The following PUDP variants were observed in gnomAD, a reference collection of about 807,000 sequenced individuals.
The protein encoded by PUDP is pseudouridine 5'-phosphatase.
PUDP carries 8 observed loss-of-function variants against 9.4 expected under a neutral mutation model. The ratio of observed to expected loss-of-function variants is 0.85; its 90% CI spans 0.50 to 1.53. PUDP has a LOEUF of 1.53. Among genes scored for constraint, PUDP ranks in the 40% most tolerant of loss-of-function variants. The pLI, the probability that PUDP is intolerant of heterozygous loss-of-function variation, is 0.00. For missense variants in PUDP, 188 were observed against 189.7 expected (o/e 0.99, Z 0.05); for synonymous variants, 99 against 80.7 (o/e 1.23, Z -1.22).
At chrX:7,001,202 C>T (rs1929320828) in intron 1 of PUDP, among the ~76,000 whole-genome samples, 1 of 109,340 alleles carries the variant, frequency 9.1e-6, no homozygotes, top group Admixed American at 9.8e-5. Flanking sequence ...TTCATGAAAG[C>T]CACAAAATAT....
chrX:7,002,924 A>G (rs1182900352), intron 1 of PUDP, among the ~76,000 whole-genome samples: 1 of 110,372 alleles, frequency 9.1e-6, no homozygotes, highest in African/African-American at 3.3e-5. Context: ...AAGCACCGAG[A>G]AAAAGGAGGC....
intron 3 of PUDP, among the ~76,000 whole-genome samples, chrX:6,904,156 T>C (rs1271798260): frequency 2.7e-5 from 3 of 109,831 alleles, no homozygotes; most frequent in Non-Finnish European, 5.7e-5. Context: ...TTTGCCATGT[T>C]GACCAGGCTA....
At chrX:7,064,802 A>G (rs1930502124) in intron 3 of PUDP, among the ~76,000 whole-genome samples, 1 of 112,042 alleles carries the variant, frequency 8.9e-6, no homozygotes, top group Non-Finnish European at 1.9e-5. Flanking sequence ...TTTTCTACAG[A>G]AAACGTATTT....
chrX:6,960,680 G>A (rs1394819384), intron 3 of PUDP, among the ~76,000 whole-genome samples: 1 of 112,220 alleles, frequency 8.9e-6, no homozygotes, highest in Admixed American at 9.5e-5. Context: ...AGAGGACATT[G>A]AATGTAGGGA....
Position 7,011,512 on chromosome X carries a change from T to C in PUDP, c.205-33169A>G, listed in dbSNP as rs1215369288. Among the ~76,000 whole-genome samples the C allele has an allele frequency of 3.6e-5, 4 of 110,263 alleles. No homozygotes were observed. The East Asian group carries it at 1.2e-3, about 32-fold the overall frequency. On this transcript the variant is annotated intron_variant and NMD_transcript_variant, in intron 1 of 3. Coordinates refer to the PUDP transcript ENST00000655425. ...CTCCCTCTCTCCCTCCCTCCTTCCT[T>C]CCCTCATGAAAGCATAGCTCCTTTG...
intron 3 of PUDP, among the ~76,000 whole-genome samples, chrX:6,910,517 C>T (rs1202692210): frequency 9.0e-6 from 1 of 111,587 alleles, no homozygotes; most frequent in African/African-American, 3.3e-5. Context: ...AGAACACAGA[C>T]CCATCCTGCA....
downstream of PUDP, among the ~76,000 whole-genome samples, chrX:7,045,058 C>T (rs1027430928): frequency 8.9e-6 from 1 of 112,286 alleles, no homozygotes; most frequent in Non-Finnish European, 1.9e-5. Context: ...ACTGTAATCC[C>T]CACATGGGAT....
Position 6,995,924 on chromosome X carries a change from A to C in PUDP, c.205-17581T>G, listed in dbSNP as rs140073101. 5.1e-3 allele frequency among the ~76,000 whole-genome samples: 543 copies of C among 106,905 alleles called. 5 individuals are homozygous for C. The highest frequency in any genetic ancestry group is 0.017 in the African/African-American group (511 of 29,342). 92.8% of individuals were successfully genotyped at this position (106,905 alleles called of 115,157 possible). A position where few individuals can be genotyped will look rare whatever the true frequency, so the allele number is the denominator to read the frequency against. ...CAGGGCCAGAGAGTTAACAGTTCTTATTGGTTCTTTCTAGCTACCACTGTC... is the reference window on the plus strand; with the variant it reads ...CAGGGCCAGAGAGTTAACAGTTCTTCTTGGTTCTTTCTAGCTACCACTGTC... On this transcript the variant is annotated intron_variant and NMD_transcript_variant, in intron 1 of 3. Transcript: ENST00000655425.
intron 3 of PUDP, among the ~76,000 whole-genome samples, chrX:6,936,779 C>T (rs1928309352): frequency 1.1e-5 from 1 of 93,263 alleles, no homozygotes; most frequent in African/African-American, 4.0e-5. Flanking sequence ...TAAGCAACTT[C>T]AGCAAAGTCT....
intron 3 of PUDP, among the ~76,000 whole-genome samples, chrX:7,053,940 T>C (rs1183213998): frequency 8.9e-6 from 1 of 112,145 alleles, no homozygotes; most frequent in African/African-American, 3.2e-5. Context: ...CTGGTTCCTC[T>C]GTGTTCAATT....
upstream of PUDP, among the ~76,000 whole-genome samples, chrX:6,723,867 A>G (rs994290243): frequency 3.6e-5 from 4 of 111,857 alleles, no homozygotes; most frequent in African/African-American, 9.7e-5. Flanking sequence ...TTGAAGCTTC[A>G]GTAAATACGG....
At chrX:6,938,739 G>C (rs1394174058) in intron 3 of PUDP, among the ~76,000 whole-genome samples, 1 of 106,194 alleles carries the variant, frequency 9.4e-6, no homozygotes, top group South Asian at 4.1e-4. Flanking sequence ...GCCAATTTAA[G>C]AACCACCTGC....
At chrX:7,104,837 T>C (rs772679579) in intron 2 of PUDP, among the ~76,000 whole-genome samples, 1 of 112,187 alleles carries the variant, frequency 8.9e-6, no homozygotes, top group African/African-American at 3.2e-5. Flanking sequence ...AATAATAACA[T>C]ACATTTCAAA....
chrX:6,946,395 G>A (rs1036219177), intron 3 of PUDP, among the ~76,000 whole-genome samples: 1 of 111,488 alleles, frequency 9.0e-6, no homozygotes, highest in African/African-American at 3.3e-5. Flanking sequence ...CCCCTCCCTC[G>A]AAGTGTCTGT....
chrX:6,757,235 T>TA (rs757163673), intron 3 of PUDP, among the ~76,000 whole-genome samples: 2 of 111,677 alleles, frequency 1.8e-5, no homozygotes, highest in South Asian at 3.8e-4. Flanking sequence ...ACTGAGCAGT[T>TA]AGAGTCTGAG....
chrX:6,929,400 G>GA (rs1928155734), intron 3 of PUDP, among the ~76,000 whole-genome samples: 1 of 112,409 alleles, frequency 8.9e-6, no homozygotes, highest in Admixed American at 9.4e-5. Flanking sequence ...GGGACAACCG[G>GA]AAGCAAGGGC....
chrX:7,013,066 A>G (rs1341058967), intron 1 of PUDP, among the ~76,000 whole-genome samples: 1 of 111,975 alleles, frequency 8.9e-6, no homozygotes, highest in East Asian at 2.8e-4. Flanking sequence ...ATTCCATTAA[A>G]TGCTTAAAGA....
At chrX:6,907,683 G>A (rs747036322) in intron 3 of PUDP, among the ~76,000 whole-genome samples, 2 of 111,394 alleles carry the variant, frequency 1.8e-5, no homozygotes, top group Non-Finnish European at 3.8e-5. Flanking sequence ...CTACTCTGGG[G>A]TTTTTCATTA....
intron 1 of PUDP, among the ~76,000 whole-genome samples, chrX:6,713,226 T>C (rs1227242537): frequency 8.9e-6 from 1 of 111,852 alleles, no homozygotes; most frequent in Non-Finnish European, 1.9e-5. Context: ...TTATTTAACT[T>C]TGTTTTTTTC....
Sources: allele counts gnomAD v4.1 joint callset (sites outside exome capture counted in the v4.1 genomes callset), GRCh38; gene constraint gnomAD v4.1.1; transcripts MANE v1.5; gene names NCBI Gene and HGNC (gene_info 2026-07-23, HGNC 2026-07-21).